Variants in DTWD2 observed in about 807,000 individuals in gnomAD.
DTWD2 encodes the protein tRNA-uridine aminocarboxypropyltransferase 2.
Under a neutral mutation model 31.8 loss-of-function variants are expected in DTWD2, and 39 were observed. The observed-to-expected ratio is 1.22, with a 90% CI of 0.95 to 1.60. The LOEUF is 1.60. Among genes scored for constraint, DTWD2 ranks in the 40% most tolerant of loss-of-function variants. The probability of loss-of-function intolerance (pLI) is 0.00; values close to 1 mark genes in which losing one functional copy is unlikely to be tolerated. For synonymous variants in DTWD2, 180 were observed against 142.8 expected, an observed-to-expected ratio of 1.26 and a Z score of -1.86; for missense variants, 515 against 381.5, an observed-to-expected ratio of 1.35 and a Z score of -2.92.
In DTWD2 at chr5:118,928,650, C is replaced by A. The variant is rs1324562806; in HGVS notation, c.484G>T (p.Glu162Ter). ...YPGAEAANLE[E>*]FILDSPVYPS... Reference sequence around the variant, plus strand: ...TAAACAGGAGAATCTAATATAAATTCTTCCAAATTAGCAGCTTCAGCCCCT... The same window carrying A: ...TAAACAGGAGAATCTAATATAAATTATTCCAAATTAGCAGCTTCAGCCCCT... Residue 162 changes from glutamate (E) to a stop codon, truncating the protein, a stop_gained, in exon 4 of 6, where the codon GAA becomes TAA. Transcript: ENST00000510708. LOFTEE classifies it high-confidence loss of function. 4 of 1,601,320 alleles carry A rather than the reference C, an allele frequency of 2.5e-6. 1 individual carries two copies. The East Asian group carries it at 9.0e-5, about 36-fold the overall frequency.
chr5:118,923,986 G>A (rs1310159155), intron 4 of DTWD2, among the ~76,000 whole-genome samples: 6 of 152,204 alleles, frequency 3.9e-5, no homozygotes, highest in Non-Finnish European at 8.8e-5. Flanking sequence ...TTGCTGGGAA[G>A]ACTGGCTTCT....
At chr5:118,891,527 A>G (rs1025551103) in intron 4 of DTWD2, among the ~76,000 whole-genome samples, 14 of 152,316 alleles carry the variant, frequency 9.2e-5, no homozygotes, top group African/African-American at 3.1e-4. Context: ...GCCTACTCTC[A>G]ATTGTGGCTA....
chr5:118,953,280 T>C (rs1426540801), intron 1 of DTWD2, among the ~76,000 whole-genome samples: 2 of 152,346 alleles, frequency 1.3e-5, no homozygotes, highest in East Asian at 3.9e-4. Flanking sequence ...GTTTTATTTT[T>C]CAAGTGACTT....
At chr5:118,844,703 G>T (rs914357542) in intron 5 of DTWD2, among the ~76,000 whole-genome samples, 4 of 152,194 alleles carry the variant, frequency 2.6e-5, no homozygotes, top group African/African-American at 4.8e-5. Context: ...CTACTTTCAT[G>T]TAGCCATGCT....
rs369580173 is a variant in DTWD2, at chr5:118,890,791, G to A, written c.597+37746C>T. Among the ~76,000 whole-genome samples the A allele has an allele frequency of 6.0e-4, 91 of 152,100 alleles. No individual in the cohort carries two copies. In the East Asian group the frequency reaches 7.4e-3, roughly 12 times the overall value. On this transcript the variant is annotated intron_variant, in intron 4 of 5. Coordinates refer to ENST00000510708, the MANE Select transcript of DTWD2 (RefSeq NM_173666.4). Reference sequence around the variant, plus strand: ...TCGCCATGTTGGCCAGGATGGTCTCGATCTCTTGACCTTGTGATCCACCCA... The same window carrying A: ...TCGCCATGTTGGCCAGGATGGTCTCAATCTCTTGACCTTGTGATCCACCCA...
At chr5:118,889,035 G>A (rs1580788706) in intron 4 of DTWD2, among the ~76,000 whole-genome samples, 1 of 152,266 alleles carries the variant, frequency 6.6e-6, no homozygotes, top group East Asian at 1.9e-4. Flanking sequence ...TTCTCAGTAT[G>A]TGATTTGTCT....
intron 4 of DTWD2, 128 bp from the exon 5 acceptor site, chr5:118,848,346 T>G: frequency 1.3e-6 from 1 of 753,176 alleles, no homozygotes; most frequent in Non-Finnish European, 2.0e-6. Context: ...TGTGTCAATA[T>G]CTTTTATGTA....
intron 4 of DTWD2, among the ~76,000 whole-genome samples, chr5:118,855,072 C>T (rs2149541400): frequency 6.6e-6 from 1 of 150,792 alleles, no homozygotes; most frequent in East Asian, 2.0e-4. Flanking sequence ...GAGTCTGAGG[C>T]AAGAGGATCA....
chr5:118,841,741 G>C (rs1751719213), intron 5 of DTWD2, among the ~76,000 whole-genome samples: 1 of 151,514 alleles, frequency 6.6e-6, no homozygotes, highest in Non-Finnish European at 1.5e-5. Context: ...TACAACTGGA[G>C]TATACGCTCT....
intron 1 of DTWD2, among the ~76,000 whole-genome samples, chr5:118,966,323 A>C (rs1302776700): frequency 6.6e-6 from 1 of 152,198 alleles, no homozygotes; most frequent in African/African-American, 2.4e-5. Flanking sequence ...GTGGGTGCGC[A>C]GTGGTTGTCA....
intron 4 of DTWD2, among the ~76,000 whole-genome samples, chr5:118,868,320 A>G (rs909262405): frequency 2.9e-4 from 44 of 152,136 alleles, no homozygotes; most frequent in African/African-American, 1.1e-3. Context: ...CTTAGAAAAA[A>G]AATAGGGGGA....
intron 4 of DTWD2, among the ~76,000 whole-genome samples, chr5:118,911,233 AAAG>A (rs1580801453): frequency 6.6e-6 from 1 of 152,250 alleles, no homozygotes; most frequent in East Asian, 1.9e-4. Flanking sequence ...GAGCACCCGA[AAAG>A]AAGAAATTCA....
At chr5:118,891,062 G>T (rs756922093) in intron 4 of DTWD2, among the ~76,000 whole-genome samples, 3 of 152,152 alleles carry the variant, frequency 2.0e-5, no homozygotes, top group Admixed American at 6.5e-5. Flanking sequence ...TACCAATAAA[G>T]AGATTTCATT....
At chr5:118,888,252 C>T (rs958098352) in intron 4 of DTWD2, among the ~76,000 whole-genome samples, 1 of 152,190 alleles carries the variant, frequency 6.6e-6, no homozygotes, top group African/African-American at 2.4e-5. Context: ...GTCTCTCCTT[C>T]TCTTTCCTTC....
intron 4 of DTWD2, among the ~76,000 whole-genome samples, chr5:118,890,732 A>C (rs956090122): frequency 3.6e-4 from 55 of 151,542 alleles, no homozygotes; most frequent in African/African-American, 1.2e-3. Flanking sequence ...CACCACACCC[A>C]GGTAATTTTT....
At chr5:118,860,619 G>T (rs982759209) in intron 4 of DTWD2, among the ~76,000 whole-genome samples, 6 of 152,084 alleles carry the variant, frequency 3.9e-5, no homozygotes, top group Non-Finnish European at 8.8e-5. Context: ...GTAACATTTT[G>T]CATTCCTACA....
intron 3 of DTWD2, 60 bp from the exon 4 acceptor site, chr5:118,928,789 T>C: frequency 7.5e-7 from 1 of 1,329,644 alleles, no homozygotes; most frequent in African/African-American, 1.5e-5. Context: ...GGTTTTATTA[T>C]GCTTACTGAA....
chr5:118,961,806 A>G (rs1281104049), intron 1 of DTWD2, among the ~76,000 whole-genome samples: 1 of 152,120 alleles, frequency 6.6e-6, no homozygotes, highest in East Asian at 1.9e-4. Flanking sequence ...ATCAATGTCC[A>G]TTTTCTCAAA....
chr5:118,873,612 A>G (rs1264383473), intron 4 of DTWD2, among the ~76,000 whole-genome samples: 2 of 152,178 alleles, frequency 1.3e-5, no homozygotes, highest in East Asian at 3.9e-4. Flanking sequence ...CCCACATGTG[A>G]GAATGCAGGA....
Sources: gnomAD v4.1 joint callset for allele counts (sites outside exome capture counted in the v4.1 genomes callset) on GRCh38, gnomAD v4.1.1 for gene constraint, MANE v1.5 for transcripts, NCBI Gene and HGNC (gene_info 2026-07-23, HGNC 2026-07-21) for gene names.